The following COL23A1 variants were observed in gnomAD, a reference collection of about 807,000 sequenced individuals.
COL23A1 encodes the protein collagen type XXIII alpha 1 chain, also known as collagen alpha-1(XXIII) chain.
COL23A1 carries 97 observed loss-of-function variants against 99.3 expected under a neutral mutation model. The observed-to-expected ratio is 0.98, with a 90% CI of 0.83 to 1.16. The LOEUF is 1.16. COL23A1 is among the 50% of genes most tolerant of loss of function. COL23A1 has a pLI of 0.00. For missense variants in COL23A1, 762 were observed against 757.4 expected (o/e 1.01, Z -0.07); for synonymous variants, 320 against 308.2 (o/e 1.04, Z -0.40).
intron 8 of COL23A1, chr5:178,265,689 C>G: frequency 1.0e-6 from 1 of 985,876 alleles, no homozygotes; most frequent in African/African-American, 1.7e-5. Flanking sequence ...GTGATGGTCT[C>G]TACTTATAAA....
chr5:178,558,387 G>A (rs1382271092), intron 2 of COL23A1, among the ~76,000 whole-genome samples: 2 of 152,104 alleles, frequency 1.3e-5, no homozygotes, highest in Admixed American at 6.6e-5. Context: ...CTCCATGCCA[G>A]CTTGTGTCCC....
intron 5 of COL23A1, among the ~76,000 whole-genome samples, chr5:178,270,939 A>C (rs1665072995): frequency 6.6e-6 from 1 of 152,228 alleles, no homozygotes. Flanking sequence ...AGCCAGCTTG[A>C]ATTGAGCTCC....
At chr5:178,357,358 CG>C (rs540026429) in intron 2 of COL23A1, among the ~76,000 whole-genome samples, 125 of 152,278 alleles carry the variant, frequency 8.2e-4, no homozygotes, top group African/African-American at 2.9e-3. Context: ...CCCCTGGGGT[CG>C]GGGGGTCAGC....
chr5:178,263,177 C>T (rs771227413), intron 9 of COL23A1, 31 bp downstream of exon 9: 1 of 1,518,878 alleles, frequency 6.6e-7, no homozygotes, highest in Non-Finnish European at 9.1e-7. Context: ...TGGTCAAGTC[C>T]TGCGTGGCCC....
In COL23A1 at chr5:178,340,551, G is replaced by C. The variant is rs2127661128; in HGVS notation, c.362-33632C>G. ...ATCCCTGGTGCATGCGAACCATCTAGGAATCTTGCGGAAATCCAGGGGCTG... is the reference window on the plus strand; with the variant it reads ...ATCCCTGGTGCATGCGAACCATCTACGAATCTTGCGGAAATCCAGGGGCTG... On this transcript the variant is annotated intron_variant, in intron 2 of 28. Transcript: ENST00000390654. This position sits in a 1 kb window ranked among gnomAD's most constrained non-coding sequence, Gnocchi z 4.7. Among the ~76,000 whole-genome samples, 1 of 152,320 alleles carries C rather than the reference G, an allele frequency of 6.6e-6. No homozygotes were observed. Among genetic ancestry groups the C allele is most frequent in the South Asian group, 2.1e-4 (1 of 4,818 alleles).
At chr5:178,452,631 T>C (rs935605414) in intron 2 of COL23A1, among the ~76,000 whole-genome samples, 3 of 152,182 alleles carry the variant, frequency 2.0e-5, no homozygotes, top group Non-Finnish European at 4.4e-5. Flanking sequence ...TGCCGACAAA[T>C]TGCTTTAAAA....
At chr5:178,312,883 A>G (rs939068760) in intron 2 of COL23A1, among the ~76,000 whole-genome samples, 1 of 152,248 alleles carries the variant, frequency 6.6e-6, no homozygotes, top group Admixed American at 6.5e-5. Context: ...GATCAGGGGA[A>G]CTGAGCCCCA....
chr5:178,514,330 G>A lies in COL23A1; in HGVS notation c.361+46352C>T, dbSNP rs116495396. Among the ~76,000 whole-genome samples, 559 of 152,272 alleles carry A rather than the reference G, an allele frequency of 3.7e-3. 2 individuals are homozygous for A. Among genetic ancestry groups the A allele is most frequent in the Non-Finnish European group, 5.9e-3 (404 of 68,028 alleles). On this transcript the variant is annotated intron_variant, in intron 2 of 28. Coordinates refer to ENST00000390654, the MANE Select transcript of COL23A1 (RefSeq NM_173465.4). The stretch of plus-strand genomic sequence containing the variant: ...CCTTCTTCCATCAACGGACACTTGG[G>A]CTGCTCCCACGTCTTGGCGACTGTG...
chr5:178,587,498 T>G (rs1221026977), intron 1 of COL23A1, among the ~76,000 whole-genome samples: 2 of 152,228 alleles, frequency 1.3e-5, no homozygotes, highest in East Asian at 3.8e-4. Flanking sequence ...TTGGCAAGGA[T>G]GTCTTTTCTT....
intron 3 of COL23A1, among the ~76,000 whole-genome samples, chr5:178,292,720 G>A (rs1757527712): frequency 6.6e-6 from 1 of 152,192 alleles, no homozygotes; most frequent in Non-Finnish European, 1.5e-5. Context: ...GATTCTGACA[G>A]CACAGCCAAG....
At chr5:178,418,266 T>G in intron 2 of COL23A1, among the ~76,000 whole-genome samples, 1 of 152,234 alleles carries the variant, frequency 6.6e-6, no homozygotes, top group East Asian at 1.9e-4. Flanking sequence ...TCTTTGAAGG[T>G]TGGCTCTTAT....
intron 3 of COL23A1, among the ~76,000 whole-genome samples, chr5:178,298,929 G>A (rs894493421): frequency 1.5e-4 from 23 of 152,208 alleles, no homozygotes; most frequent in Non-Finnish European, 3.1e-4. Context: ...TTACTGAGAC[G>A]ATCATGTGGT....
intron 2 of COL23A1, among the ~76,000 whole-genome samples, chr5:178,456,265 C>G (rs540307808): frequency 3.7e-4 from 57 of 152,172 alleles, no homozygotes; most frequent in African/African-American, 1.3e-3. Context: ...CCATGGCAAA[C>G]ATGGATTACT....
intron 2 of COL23A1, among the ~76,000 whole-genome samples, chr5:178,337,732 C>T (rs1288935542): frequency 2.6e-5 from 4 of 152,132 alleles, no homozygotes; most frequent in African/African-American, 9.7e-5. Flanking sequence ...GCTCCACAGA[C>T]ACCCCCCATC....
rs529396027 is a variant in COL23A1 at position 178,261,872 on chromosome 5, G to A, written c.676-124C>T. On this transcript the variant is annotated intron_variant, in intron 10 of 28. Coordinates refer to ENST00000390654, the MANE Select transcript of COL23A1 (RefSeq NM_173465.4). ...CCAGAGAGCAGGAGGCTGGGCTGCC[G>A]TCAGAAGCAGGCTGGAGCTGCCCAC... The A allele has an allele frequency of 9.0e-4, 762 of 846,748 alleles. 5 individuals carry two copies. The highest frequency in any genetic ancestry group is 8.0e-3 in the South Asian group (502 of 62,594). 52.5% of individuals were successfully genotyped at this position (846,748 alleles called of 1,614,324 possible).
At position 178,270,365 on chromosome 5, in the gene COL23A1, T is replaced by A; in HGVS notation, c.442-2A>T. 6.2e-7 allele frequency: 1 copy of A among 1,613,810 alleles called. No individual in the cohort carries two copies. The highest frequency in any genetic ancestry group is 8.5e-7 in the Non-Finnish European group (1 of 1,179,908). ...CTTGCCATCCAAACCCAGGGGTCCC[T>A]GGAAAACGAGAGAGAGAGAACACAG... On this transcript the variant is annotated splice_acceptor_variant, in intron 5 of 28. Coordinates refer to ENST00000390654, the MANE Select transcript of COL23A1 (RefSeq NM_173465.4). LOFTEE classifies it high-confidence loss of function.
In COL23A1 at chr5:178,560,206, A is replaced by G. The variant is rs186203404; in HGVS notation, c.361+476T>C. On this transcript the variant is annotated intron_variant, in intron 2 of 28. Coordinates refer to ENST00000390654, the MANE Select transcript of COL23A1 (RefSeq NM_173465.4). ...GTCTATGATAATTTGAATAATTCAG[A>G]CCTCATTGCCTGTTTCCTTCCTCTG... Among the ~76,000 whole-genome samples the G allele has an allele frequency of 3.3e-4, 51 of 152,272 alleles. 1 individual carries two copies. The East Asian group carries it at 9.5e-3, about 28-fold the overall frequency.
At chr5:178,350,026 C>T (rs762663439) in intron 2 of COL23A1, among the ~76,000 whole-genome samples, 4 of 152,224 alleles carry the variant, frequency 2.6e-5, no homozygotes, top group Non-Finnish European at 5.9e-5. Context: ...GGTCCTCAGG[C>T]CCTCTGTGCC....
intron 2 of COL23A1, among the ~76,000 whole-genome samples, chr5:178,359,547 G>A (rs568894169): frequency 4.6e-5 from 7 of 152,200 alleles, no homozygotes; most frequent in African/African-American, 1.7e-4. Context: ...GATCATGAAG[G>A]GACTGTCATG....
Sources: gnomAD v4.1 joint callset for allele counts (sites outside exome capture counted in the v4.1 genomes callset) on GRCh38, gnomAD v4.1.1 for gene constraint, Gnocchi (gnomAD v3.1) non-coding constraint, MANE v1.5 for transcripts, NCBI Gene and HGNC (gene_info 2026-07-23, HGNC 2026-07-21) for gene names.